The following VEPH1 variants were observed in gnomAD, a reference collection of about 807,000 sequenced individuals.
The protein encoded by VEPH1 is ventricular zone-expressed PH domain-containing protein homolog 1.
In VEPH1, 80 loss-of-function variants were observed where a neutral mutation model predicts 85.2. The observed-to-expected ratio is 0.94, with a 90% CI of 0.78 to 1.13. The LOEUF (loss-of-function observed/expected upper bound fraction) is 1.13, where lower values mean the gene tolerates loss of function less well. Among genes scored for constraint, VEPH1 ranks in the 50% most tolerant of loss-of-function variants. The probability of loss-of-function intolerance (pLI) is 0.00; values close to 1 mark genes in which losing one functional copy is unlikely to be tolerated. For missense variants in VEPH1, 955 were observed against 980.5 expected, an observed-to-expected ratio of 0.97 and a Z score of 0.35; for synonymous variants, 297 against 348.0, an observed-to-expected ratio of 0.85 and a Z score of 1.63.
At position 157,317,205 on chromosome 3, in the gene VEPH1, G is replaced by T; in HGVS notation, c.1736-4C>A. ...GCTACACAACTTCTCACAGTGTCTA[G>T]AAACAAATACATATAGCGTTAAACG... On this transcript the variant is annotated splice_region_variant and splice_polypyrimidine_tract_variant and intron_variant, in intron 9 of 13. Transcript: ENST00000362010. 1 of 1,609,598 alleles carries T rather than the reference G, an allele frequency of 6.2e-7. No homozygotes were observed.
intron 2 of VEPH1, among the ~76,000 whole-genome samples, chr3:157,471,496 G>T (rs1164752225): frequency 6.6e-6 from 1 of 152,102 alleles, no homozygotes; most frequent in Non-Finnish European, 1.5e-5. Flanking sequence ...CTCCAGCTGG[G>T]TAATAGAATG....
intron 4 of VEPH1, among the ~76,000 whole-genome samples, chr3:157,458,934 G>A (rs1735597839): frequency 1.3e-5 from 2 of 152,104 alleles, no homozygotes; most frequent in South Asian, 4.2e-4. Flanking sequence ...GGTGGCTCTA[G>A]GTGTGCAGCT....
rs187032323 is a variant in VEPH1 at position 157,370,818 on chromosome 3, G to A, written c.1128-6306C>T. Among the ~76,000 whole-genome samples the A allele has an allele frequency of 9.0e-4, 137 of 152,266 alleles. 1 individual carries two copies. Among genetic ancestry groups the A allele is most frequent in the African/African-American group, 3.1e-3 (128 of 41,548 alleles). On this transcript the variant is annotated intron_variant, in intron 7 of 13. Coordinates refer to ENST00000362010, the MANE Select transcript of VEPH1 (RefSeq NM_001167912.2). ...TTTTCAAAAGGAGACAGTTGTGGGG[G>A]AAACTGACTGAACAGAATCTTATGG...
chr3:157,456,051 T>C (rs1017689799), intron 4 of VEPH1, among the ~76,000 whole-genome samples: 3 of 152,184 alleles, frequency 2.0e-5, no homozygotes, highest in African/African-American at 7.2e-5. Flanking sequence ...TGCCAATAGC[T>C]GTTATTTTTT....
At chr3:157,297,633 A>C (rs1718296017) in intron 11 of VEPH1, among the ~76,000 whole-genome samples, 1 of 152,166 alleles carries the variant, frequency 6.6e-6, no homozygotes, top group Admixed American at 6.6e-5. Flanking sequence ...AGTACTAAGC[A>C]TGAATGGAGG....
intron 9 of VEPH1, among the ~76,000 whole-genome samples, chr3:157,345,500 G>C (rs1381947547): frequency 6.6e-6 from 1 of 152,214 alleles, no homozygotes; most frequent in Non-Finnish European, 1.5e-5. Context: ...ACACCAGTTA[G>C]AATGGCAATA....
At chr3:157,363,992 C>T (rs1298362019) in intron 8 of VEPH1, among the ~76,000 whole-genome samples, 1 of 152,172 alleles carries the variant, frequency 6.6e-6, no homozygotes, top group African/African-American at 2.4e-5. Flanking sequence ...AAACTGGCTG[C>T]AAAATAGTAG....
At chr3:157,272,809 T>G (rs1183339364) in intron 12 of VEPH1, among the ~76,000 whole-genome samples, 1 of 152,072 alleles carries the variant, frequency 6.6e-6, no homozygotes, top group East Asian at 1.9e-4. Flanking sequence ...CTCAAAACAC[T>G]CTCATAATAA....
intron 11 of VEPH1, among the ~76,000 whole-genome samples, chr3:157,306,626 T>C (rs527411908): frequency 9.2e-5 from 14 of 152,190 alleles, no homozygotes; most frequent in Middle Eastern, 3.4e-3. Flanking sequence ...TTTCTGTACA[T>C]GTTTTCTGAT....
intron 2 of VEPH1, among the ~76,000 whole-genome samples, chr3:157,491,194 T>A (rs908850771): frequency 6.6e-6 from 1 of 152,272 alleles, no homozygotes; most frequent in South Asian, 2.1e-4. Context: ...GCAGGGATTT[T>A]CAATTGTACC....
chr3:157,444,374 C>G (rs1390984240), intron 4 of VEPH1, among the ~76,000 whole-genome samples: 1 of 152,228 alleles, frequency 6.6e-6, no homozygotes, highest in Non-Finnish European at 1.5e-5. Context: ...GACTCAGTGC[C>G]TTTCAGCAAT....
At chr3:157,469,324 A>G (rs995104548) in intron 3 of VEPH1, among the ~76,000 whole-genome samples, 4 of 152,164 alleles carry the variant, frequency 2.6e-5, no homozygotes, top group African/African-American at 9.7e-5. Context: ...CAACTGTGGG[A>G]AAAAAAGGAA....
intron 4 of VEPH1, chr3:157,442,267 G>T (rs1734182667): frequency 8.9e-7 from 1 of 1,120,156 alleles, no homozygotes; most frequent in African/African-American, 1.6e-5. Flanking sequence ...GCTTTCAATT[G>T]TAATAATTAA....
intron 4 of VEPH1, among the ~76,000 whole-genome samples, chr3:157,447,507 A>C (rs1734639840): frequency 6.6e-6 from 1 of 152,134 alleles, no homozygotes; most frequent in Non-Finnish European, 1.5e-5. Flanking sequence ...ACTTCCTTTA[A>C]GAATAATTGT....
At chr3:157,377,729 A>T (rs1728285904) in intron 7 of VEPH1, among the ~76,000 whole-genome samples, 1 of 152,036 alleles carries the variant, frequency 6.6e-6, no homozygotes, top group Non-Finnish European at 1.5e-5. Flanking sequence ...GTCTTCCATG[A>T]TTGTAAGTTT....
In VEPH1 at chr3:157,471,583, C is replaced by T. The variant is rs546345511; in HGVS notation, c.139-1054G>A. On this transcript the variant is annotated intron_variant, in intron 2 of 13. Coordinates refer to ENST00000362010, the MANE Select transcript of VEPH1 (RefSeq NM_001167912.2). ...TGATTAGTGAGAAACAGTATCTTAT[C>T]GCTGTTTTGCTTAGGAATTTCCTTG... Among the ~76,000 whole-genome samples, 78 of 152,178 alleles carry T rather than the reference C, an allele frequency of 5.1e-4. No individual in the cohort carries two copies. In the South Asian group the frequency reaches 5.2e-3, roughly 10 times the overall value.
chr3:157,420,409 C>G (rs894535200), intron 5 of VEPH1, among the ~76,000 whole-genome samples: 3 of 151,888 alleles, frequency 2.0e-5, no homozygotes, highest in African/African-American at 7.2e-5. Flanking sequence ...GCACACACTT[C>G]CTCTTCAATT....
chr3:157,466,498 A>G (rs1410162556), intron 3 of VEPH1, among the ~76,000 whole-genome samples: 1 of 152,162 alleles, frequency 6.6e-6, no homozygotes, highest in African/African-American at 2.4e-5. Context: ...CACTACTTCT[A>G]TTGAGTACTT....
intron 7 of VEPH1, among the ~76,000 whole-genome samples, chr3:157,377,006 G>A (rs1313650548): frequency 6.6e-6 from 1 of 152,146 alleles, no homozygotes; most frequent in Non-Finnish European, 1.5e-5. Context: ...GAAGTTAAAT[G>A]GTCACAATGA....
Sources: gnomAD v4.1 joint callset for allele counts (sites outside exome capture counted in the v4.1 genomes callset) on GRCh38, gnomAD v4.1.1 for gene constraint, MANE v1.5 for transcripts, NCBI Gene and HGNC (gene_info 2026-07-23, HGNC 2026-07-21) for gene names.